The following TOP1 variants were observed in gnomAD, a reference collection of about 807,000 sequenced individuals.
TOP1 encodes the protein DNA topoisomerase 1.
A neutral mutation model predicts 111.1 loss-of-function variants in TOP1; 10 were observed. That is an observed-to-expected ratio of 0.09 (90% CI 0.06 to 0.15). The LOEUF (loss-of-function observed/expected upper bound fraction) is 0.15, where lower values mean the gene tolerates loss of function less well. Ranked by LOEUF, TOP1 falls within the 10% of genes least tolerant of loss-of-function variation. TOP1 has a pLI of 1.00. For missense variants in TOP1, 474 were observed against 926.7 expected, an observed-to-expected ratio of 0.51 and a Z score of 6.34; for synonymous variants, 271 against 302.9, an observed-to-expected ratio of 0.89 and a Z score of 1.10.
chr20:41,123,311 G>A lies in TOP1; in HGVS notation c.*14G>A, dbSNP rs887749829. ...TATGAGTTTTAGCCAGTCTCAAGAG[G>A]CAGAGTTCTGTGAAGAGGAACAGTG... On this transcript the variant is annotated 3_prime_UTR_variant, in exon 21 of 21. Transcript: ENST00000361337. The surrounding 1 kb of genome is among the most constrained non-coding windows in gnomAD (Gnocchi z 5.8). 6 of 1,583,620 alleles carry A rather than the reference G, an allele frequency of 3.8e-6. No individual in the cohort carries two copies. Among genetic ancestry groups the A allele is most frequent in the South Asian group, 1.1e-5 (1 of 90,418 alleles).
At chr20:41,040,294 G>A (rs762849931) in intron 2 of TOP1, among the ~76,000 whole-genome samples, 11 of 152,192 alleles carry the variant, frequency 7.2e-5, no homozygotes, top group African/African-American at 1.2e-4. Flanking sequence ...AAAAGTGATC[G>A]GGACAAAATG....
At chr20:41,070,188 T>TTCC (rs2033654075) in intron 3 of TOP1, among the ~76,000 whole-genome samples, 1 of 151,824 alleles carries the variant, frequency 6.6e-6, no homozygotes, top group Non-Finnish European at 1.5e-5. Context: ...AGAAAAAGGG[T>TTCC]TCCTGTCTTG....
chr20:41,053,820 TCTTAA>T (rs2033435351), intron 2 of TOP1, among the ~76,000 whole-genome samples: 1 of 152,194 alleles, frequency 6.6e-6, no homozygotes, highest in South Asian at 2.1e-4. Flanking sequence ...AAATACTGCC[TCTTAA>T]CTTTGTTGTC....
In TOP1 at chr20:41,101,040, A is replaced by G; in HGVS notation, c.1164-169A>G. On this transcript the variant is annotated intron_variant, in intron 12 of 20. Coordinates refer to ENST00000361337, the MANE Select transcript of TOP1 (RefSeq NM_003286.4). The surrounding 1 kb of genome is among the most constrained non-coding windows in gnomAD (Gnocchi z 4.1). ...ATTTTGTATTGAATATTTTCGGATG[A>G]CAGTTGGCTGAGGGTAAGTAAAACC... 1 of 614,208 alleles carries G rather than the reference A, an allele frequency of 1.6e-6. No homozygotes were observed. The highest frequency in any genetic ancestry group is 2.9e-6 in the Non-Finnish European group (1 of 350,258). The allele number at this position is 614,208 out of a possible 1,614,324, so 38.0% of individuals were successfully genotyped here.
chr20:41,045,526 C>A (rs999193515), intron 2 of TOP1, among the ~76,000 whole-genome samples: 22 of 152,152 alleles, frequency 1.4e-4, no homozygotes, highest in Non-Finnish European at 2.8e-4. Context: ...AGTAAGTTCT[C>A]ATTTTATCTC....
rs565790813 is a variant in TOP1 at position 41,114,954 on chromosome 20, A to G, written c.1639-417A>G. On this transcript the variant is annotated intron_variant, in intron 15 of 20. Coordinates refer to ENST00000361337, the MANE Select transcript of TOP1 (RefSeq NM_003286.4). This position sits in a 1 kb window ranked among gnomAD's most constrained non-coding sequence, Gnocchi z 4.5. ...ACAGATTAGATAACAGTATGTATCA[A>G]TGTAAATTTTTGAAGCTGATACTGT... Among the ~76,000 whole-genome samples, 4 of 152,348 alleles carry G rather than the reference A, an allele frequency of 2.6e-5. No homozygotes were observed. Among genetic ancestry groups the G allele is most frequent in the Admixed American group, 1.3e-4 (2 of 15,298 alleles).
In TOP1 at chr20:41,109,178, GA is replaced by G. The variant is rs1303418242; in HGVS notation, c.1309-3602del. Among the ~76,000 whole-genome samples, 1 of 152,182 alleles carries G rather than the reference GA, an allele frequency of 6.6e-6. No individual in the cohort carries two copies. Among genetic ancestry groups the G allele is most frequent in the Non-Finnish European group, 1.5e-5 (1 of 68,024 alleles). On this transcript the variant is annotated intron_variant, in intron 13 of 20. Transcript: ENST00000361337. This position sits in a 1 kb window ranked among gnomAD's most constrained non-coding sequence, Gnocchi z 4.1. ...ACCTAGGGATTAAAGGGCTAAATGT[GA>G]AGGAAAGTATCTTTACAATATTCAT... is the stretch of plus-strand genomic sequence containing the variant.
rs1195218947 is a variant in TOP1, at chr20:41,094,879, A to G, written c.730+2292A>G. On this transcript the variant is annotated intron_variant, in intron 9 of 20. Coordinates refer to ENST00000361337, the MANE Select transcript of TOP1 (RefSeq NM_003286.4). This position sits in a 1 kb window ranked among gnomAD's most constrained non-coding sequence, Gnocchi z 4.4. ...TTCCTGGAGCTCAGCCTTTTCCACAAAGTGTTAACATTGCCAGGAACCTTC... is the reference window on the plus strand; with the variant it reads ...TTCCTGGAGCTCAGCCTTTTCCACAGAGTGTTAACATTGCCAGGAACCTTC... Among the ~76,000 whole-genome samples, 6 of 151,958 alleles carry G rather than the reference A, an allele frequency of 3.9e-5. No homozygotes were observed. The highest frequency in any genetic ancestry group is 8.8e-5 in the Non-Finnish European group (6 of 67,990).
rs1393841935 is a variant in TOP1 at position 41,058,729 on chromosome 20, A to C, written c.59-2665A>C. On this transcript the variant is annotated intron_variant, in intron 2 of 20. Transcript: ENST00000361337. This position sits in a 1 kb window ranked among gnomAD's most constrained non-coding sequence, Gnocchi z 4.2. ...GAGGGGAATTAGGCTATACCTCTTG[A>C]AAAGCGGAGTAACAAACAATCTTAT... Among the ~76,000 whole-genome samples the C allele has an allele frequency of 6.6e-6, 1 of 152,146 alleles. No homozygotes were observed. Among genetic ancestry groups the C allele is most frequent in the African/African-American group, 2.4e-5 (1 of 41,426 alleles).
intron 3 of TOP1, among the ~76,000 whole-genome samples, chr20:41,065,412 T>C (rs1346572164): frequency 6.6e-6 from 1 of 152,216 alleles, no homozygotes; most frequent in Non-Finnish European, 1.5e-5. Context: ...TTGTGTGTGG[T>C]AAAATAAACA....
intron 3 of TOP1, among the ~76,000 whole-genome samples, chr20:41,063,691 G>T (rs774389044): frequency 2.4e-4 from 37 of 152,136 alleles, no homozygotes; most frequent in Non-Finnish European, 5.1e-4. Flanking sequence ...GATGATTAGG[G>T]ACGTGGAGCA....
intron 9 of TOP1, among the ~76,000 whole-genome samples, chr20:41,093,155 T>C (rs1175475350): frequency 6.6e-6 from 1 of 152,196 alleles, no homozygotes; most frequent in African/African-American, 2.4e-5. Context: ...CCTGGGTCTC[T>C]TAGAACCCTC....
At position 41,083,589 on chromosome 20, in the gene TOP1, T is replaced by C. The variant is rs1343448505; in HGVS notation, c.508-873T>C. Among the ~76,000 whole-genome samples, 2 of 152,194 alleles carry C rather than the reference T, an allele frequency of 1.3e-5. No homozygotes were observed. The highest frequency in any genetic ancestry group is 4.8e-5 in the African/African-American group (2 of 41,446). On this transcript the variant is annotated intron_variant, in intron 7 of 20. Transcript: ENST00000361337. The surrounding 1 kb of genome is among the most constrained non-coding windows in gnomAD (Gnocchi z 7.2). Reference sequence around the variant, plus strand: ...GTTAAATGAACCCATCCATACACTTTCCAGCTGTGCCACTCTTTAATTGAT... The same window carrying C: ...GTTAAATGAACCCATCCATACACTTCCCAGCTGTGCCACTCTTTAATTGAT...
intron 2 of TOP1, among the ~76,000 whole-genome samples, chr20:41,039,776 C>T (rs1482594868): frequency 1.3e-5 from 2 of 152,018 alleles, no homozygotes; most frequent in Non-Finnish European, 2.9e-5. Context: ...GGCGTGGTGG[C>T]GGGCGCCTGT....
At chr20:41,062,076 G>A (rs745363087) in intron 3 of TOP1, among the ~76,000 whole-genome samples, 8 of 152,200 alleles carry the variant, frequency 5.3e-5, no homozygotes, top group Non-Finnish European at 1.0e-4. Flanking sequence ...CAAGCCTCAA[G>A]AAGATGTTTC....
chr20:41,029,392 G>T lies in TOP1; in HGVS notation c.34-39G>T. The T allele has an allele frequency of 1.4e-6, 2 of 1,452,624 alleles. No homozygotes were observed. The highest frequency in any genetic ancestry group is 1.8e-6 in the Non-Finnish European group (2 of 1,098,916). 90.0% of individuals were successfully genotyped at this position (1,452,624 alleles called of 1,614,324 possible). Reference sequence around the variant, plus strand: ...CGCGCTCGCCGCCGGAGGGGTTAAAGTGGCTGTTGTTTGATATTCTCTCCT... The same window carrying T: ...CGCGCTCGCCGCCGGAGGGGTTAAATTGGCTGTTGTTTGATATTCTCTCCT... On this transcript the variant is annotated intron_variant, in intron 1 of 20. Coordinates refer to ENST00000361337, the MANE Select transcript of TOP1 (RefSeq NM_003286.4). The surrounding 1 kb of genome is among the most constrained non-coding windows in gnomAD (Gnocchi z 6.1).
chr20:41,064,921 T>C (rs1305682522), intron 3 of TOP1, among the ~76,000 whole-genome samples: 1 of 152,144 alleles, frequency 6.6e-6, no homozygotes, highest in Non-Finnish European at 1.5e-5. Flanking sequence ...TGTTTGTTTT[T>C]TGAGACGGAG....
chr20:41,077,097 T>A (rs1049604175), intron 4 of TOP1, among the ~76,000 whole-genome samples: 2 of 152,190 alleles, frequency 1.3e-5, no homozygotes, highest in Admixed American at 1.3e-4. Flanking sequence ...GTTTGTTTTT[T>A]AAATAAAGAT....
intron 13 of TOP1, among the ~76,000 whole-genome samples, chr20:41,108,430 T>C (rs138904009): frequency 1.6e-3 from 245 of 152,326 alleles, no homozygotes; most frequent in African/African-American, 5.4e-3. Context: ...TTATGTATCC[T>C]GTCTTTGCCC....
Sources: gnomAD v4.1 joint callset for allele counts (sites outside exome capture counted in the v4.1 genomes callset) on GRCh38, gnomAD v4.1.1 for gene constraint, Gnocchi (gnomAD v3.1) non-coding constraint, MANE v1.5 for transcripts, NCBI Gene and HGNC (gene_info 2026-07-23, HGNC 2026-07-21) for gene names.